Variants in APP observed in about 807,000 individuals in gnomAD.
APP encodes amyloid-beta precursor protein.
APP carries 31 observed loss-of-function variants against 101.4 expected under a neutral mutation model. That is an observed-to-expected ratio of 0.31 (90% confidence interval 0.23 to 0.41). The LOEUF (loss-of-function observed/expected upper bound fraction) is 0.41, where lower values mean the gene tolerates loss of function less well. Among genes scored for constraint, APP ranks in the 10% least tolerant of loss-of-function variants. The pLI, the probability that APP is intolerant of heterozygous loss-of-function variation, is 1.00. For missense variants in APP, 839 were observed against 1,003.7 expected (o/e 0.84, Z 2.22); for synonymous variants, 366 against 364.4 (o/e 1.00, Z -0.05).
At chr21:26,101,310 G>A (rs553397310) in intron 2 of APP, among the ~76,000 whole-genome samples, 43 of 152,074 alleles carry the variant, frequency 2.8e-4, no homozygotes, top group South Asian at 2.5e-3. Context: ...TGTTGGCTAG[G>A]ATGGTCTTGA....
At position 26,088,512 on chromosome 21, in the gene APP, C is replaced by G. The variant is rs1485965626; in HGVS notation, c.355+1431G>C. Among the ~76,000 whole-genome samples, 4 of 152,118 alleles carry G rather than the reference C, an allele frequency of 2.6e-5. No homozygotes were observed. In the East Asian group the frequency reaches 7.7e-4, roughly 29 times the overall value. On this transcript the variant is annotated intron_variant, in intron 3 of 17. Transcript: ENST00000346798. ...TAAGTAAGAACCAAAAGAAACAAAT[C>G]ATTAACAAAGCCTGGCCCATCAAAT...
At chr21:26,004,275 C>CTTTTTTTTTTTTTTT (rs71183538) in intron 6 of APP, among the ~76,000 whole-genome samples, 3 of 72,794 alleles carry the variant, frequency 4.1e-5, no homozygotes, top group African/African-American at 5.3e-5. Context: ...TGTATTAATT[C>CTTTTTTTTTTTTTTT]TTTTTTTTTT....
At chr21:25,980,321 C>A (rs1601100048) in intron 9 of APP, among the ~76,000 whole-genome samples, 1 of 152,116 alleles carries the variant, frequency 6.6e-6, no homozygotes, top group Admixed American at 6.5e-5. Context: ...TGTGAGGGCA[C>A]AGGAAGCCTC....
At chr21:26,105,025 G>A (rs373746278) in intron 2 of APP, among the ~76,000 whole-genome samples, 39 of 140,006 alleles carry the variant, frequency 2.8e-4, no homozygotes, top group African/African-American at 1.0e-3. Context: ...CATTAAATGA[G>A]TAGCTCTGTC....
chr21:26,061,533 C>T lies in APP; in HGVS notation c.356-8185G>A, dbSNP rs537181031. Among the ~76,000 whole-genome samples, 20 of 152,254 alleles carry T rather than the reference C, an allele frequency of 1.3e-4. No individual in the cohort carries two copies. The South Asian group carries it at 3.3e-3, about 25-fold the overall frequency. ...AGGCATCTGTACTCAAGAGACGGGACGATTACTTCACAGAAACAGCCAAAC... is the reference window on the plus strand; with the variant it reads ...AGGCATCTGTACTCAAGAGACGGGATGATTACTTCACAGAAACAGCCAAAC... On this transcript the variant is annotated intron_variant, in intron 3 of 17. Transcript: ENST00000346798.
At chr21:25,883,160 T>C (rs182470) in intron 17 of APP, among the ~76,000 whole-genome samples, 1 of 152,196 alleles carries the variant, frequency 6.6e-6, no homozygotes, top group Non-Finnish European at 1.5e-5. Flanking sequence ...CCCAGCACTT[T>C]GGGAGCCTGA....
At chr21:25,896,290 C>G (rs1179222981) in intron 16 of APP, among the ~76,000 whole-genome samples, 4 of 152,156 alleles carry the variant, frequency 2.6e-5, no homozygotes, top group African/African-American at 9.6e-5. Context: ...TTTTTATTTG[C>G]TACAATTATT....
intron 6 of APP, among the ~76,000 whole-genome samples, chr21:26,005,418 A>C (rs376768100): frequency 2.7e-4 from 41 of 152,338 alleles, no homozygotes; most frequent in African/African-American, 9.4e-4. Context: ...GGTGTCAAAA[A>C]AAGAAAAAAA....
chr21:26,052,466 T>C (rs1034987090), intron 4 of APP, among the ~76,000 whole-genome samples: 3 of 414 alleles, frequency 7.2e-3, no homozygotes, highest in African/African-American at 0.02. Flanking sequence ...TTGCCACAAA[T>C]AAACCTATAT....
chr21:25,891,849 A>G lies in APP; in HGVS notation c.2084T>C (p.Val695Ala), dbSNP rs1315025573. 2 of 1,613,978 alleles carry G rather than the reference A, an allele frequency of 1.2e-6. No individual in the cohort carries two copies. The highest frequency in any genetic ancestry group is 1.7e-6 in the Non-Finnish European group (2 of 1,179,998). The stretch of plus-strand genomic sequence containing the variant: ...AATGATTGCACCTTTGTTTGAACCC[A>G]CATCTTCTGCAAAGAACACCTTGAA... The part of the protein sequence containing the change: ...HQKLVFFAED[V>A]GSNKGAIIGL... The change falls in exon 17 of 18, where the codon GTG becomes GCG. Residue 695 changes from valine to alanine, a missense_variant. Physicochemically the swap from Val to Ala is moderately conservative, Grantham distance 64 (BLOSUM62 0). Coordinates refer to ENST00000346798, the MANE Select transcript of APP (RefSeq NM_000484.4).
At chr21:26,081,638 T>C (rs1770201990) in intron 3 of APP, among the ~76,000 whole-genome samples, 1 of 152,226 alleles carries the variant, frequency 6.6e-6, no homozygotes, top group African/African-American at 2.4e-5. Context: ...TGGTTTAGCT[T>C]GGGCTCAGAG....
chr21:25,950,165 C>G (rs1458371318), intron 13 of APP, among the ~76,000 whole-genome samples: 1 of 152,130 alleles, frequency 6.6e-6, no homozygotes, highest in East Asian at 1.9e-4. Flanking sequence ...GGTCCTGTAC[C>G]TCAACGGGGA....
chr21:26,008,757 G>A (rs1262310522), intron 6 of APP, among the ~76,000 whole-genome samples: 1 of 152,192 alleles, frequency 6.6e-6, no homozygotes, highest in African/African-American at 2.4e-5. Context: ...CCTTGGTCTT[G>A]AGGTGTGAAT....
At chr21:26,009,400 A>C (rs1022072628) in intron 6 of APP, among the ~76,000 whole-genome samples, 1 of 152,180 alleles carries the variant, frequency 6.6e-6, no homozygotes, top group Non-Finnish European at 1.5e-5. Flanking sequence ...TCCAGTACCA[A>C]GATCATAATT....
chr21:25,938,742 G>A (rs894187998), intron 13 of APP, among the ~76,000 whole-genome samples: 11 of 152,128 alleles, frequency 7.2e-5, no homozygotes, highest in Non-Finnish European at 1.0e-4. Flanking sequence ...CAGCTAAACC[G>A]AAGACACCGA....
intron 3 of APP, among the ~76,000 whole-genome samples, chr21:26,079,281 T>C (rs1454199871): frequency 6.6e-6 from 1 of 152,136 alleles, no homozygotes; most frequent in African/African-American, 2.4e-5. Flanking sequence ...TCATAACCAT[T>C]TGTAATCATT....
At chr21:26,001,664 T>C (rs73338765) in intron 6 of APP, among the ~76,000 whole-genome samples, 4,207 of 152,232 alleles carry the variant, frequency 0.028, 206 homozygotes, top group African/African-American at 0.095. Context: ...GCCTGGCTAA[T>C]TTTTTGGTAT....
intron 15 of APP, among the ~76,000 whole-genome samples, chr21:25,901,504 A>T (rs1385980724): frequency 1.3e-5 from 2 of 152,200 alleles, no homozygotes; most frequent in East Asian, 3.8e-4. Flanking sequence ...ATAATAGTTC[A>T]TGTTTGTTTA....
intron 1 of APP, among the ~76,000 whole-genome samples, chr21:26,116,963 C>T (rs1057079549): frequency 7.9e-5 from 12 of 152,098 alleles, no homozygotes; most frequent in African/African-American, 2.9e-4. Context: ...CTCACTGCAA[C>T]CTCTCCGCCT....
Sources: gnomAD v4.1 joint callset for allele counts (sites outside exome capture counted in the v4.1 genomes callset) on GRCh38, gnomAD v4.1.1 for gene constraint, MANE v1.5 for transcripts, NCBI Gene and HGNC (gene_info 2026-07-23, HGNC 2026-07-21) for gene names.